The following ADGRB3 variants were observed in gnomAD, a reference collection of about 807,000 sequenced individuals.
ADGRB3 encodes brain-specific angiogenesis inhibitor 3.
A neutral mutation model predicts 193.4 loss-of-function variants in ADGRB3; 37 were observed. The observed-to-expected ratio is 0.19, with a 90% CI of 0.15 to 0.25. The LOEUF is 0.25. Among genes scored for constraint, ADGRB3 ranks in the 10% least tolerant of loss-of-function variants. The pLI, the probability that ADGRB3 is intolerant of heterozygous loss-of-function variation, is 1.00. For missense variants in ADGRB3, 1,637 were observed against 1,852.9 expected (o/e 0.88, Z 2.14); for synonymous variants, 690 against 644.2 (o/e 1.07, Z -1.08).
At chr6:68,965,119 A>G (rs1255416735) in intron 8 of ADGRB3, among the ~76,000 whole-genome samples, 2 of 152,226 alleles carry the variant, frequency 1.3e-5, no homozygotes, top group African/African-American at 4.8e-5. Flanking sequence ...AGTAAGAACA[A>G]TAACTCATAA....
At position 69,232,342 on chromosome 6, in the gene ADGRB3, C is replaced by G. The variant is rs959910926; in HGVS notation, c.2481-948C>G. ...GGTGGAAGGGTTCTCCCCCATCCCC[C>G]CCACCACGAACAAGACGTAGGTTGA... On this transcript the variant is annotated intron_variant, in intron 17 of 31. Transcript: ENST00000370598. 7 of 1,278,904 alleles carry G rather than the reference C, an allele frequency of 5.5e-6. No homozygotes were observed. The African/African-American group carries it at 9.1e-5, about 17-fold the overall frequency. The allele number at this position is 1,278,904 out of a possible 1,614,324, so 79.2% of individuals were successfully genotyped here.
At chr6:69,040,323 TTC>T (rs1375659073) in intron 13 of ADGRB3, among the ~76,000 whole-genome samples, 3 of 42,282 alleles carry the variant, frequency 7.1e-5, no homozygotes, top group African/African-American at 1.4e-4. Context: ...CTTTCTTTCT[TTC>T]TTTCTTTCTT....
At chr6:68,786,311 A>G (rs143750947) in intron 3 of ADGRB3, among the ~76,000 whole-genome samples, 113,625 of 151,736 alleles carry the variant, frequency 0.75, 42,801 homozygotes, top group Middle Eastern at 0.9. Flanking sequence ...TCTTTAATCC[A>G]TCTTGAATTA....
At position 69,214,794 on chromosome 6, in the gene ADGRB3, A is replaced by G. The variant is rs538226614; in HGVS notation, c.2481-18496A>G. Among the ~76,000 whole-genome samples, 101 of 151,930 alleles carry G rather than the reference A, an allele frequency of 6.6e-4. 1 individual carries two copies. Among genetic ancestry groups the G allele is most frequent in the South Asian group, 1.5e-3 (7 of 4,768 alleles). ...AAGTAATGGCAAAAACCACAATTAC[A>G]TTTGCACCAACCTAATTTTAAAAAG... On this transcript the variant is annotated intron_variant, in intron 17 of 31. Coordinates refer to ENST00000370598, the MANE Select transcript of ADGRB3 (RefSeq NM_001704.3).
intron 3 of ADGRB3, among the ~76,000 whole-genome samples, chr6:68,640,324 G>A (rs1768056299): frequency 6.6e-6 from 1 of 152,190 alleles, no homozygotes; most frequent in African/African-American, 2.4e-5. Flanking sequence ...GAAAGTACAG[G>A]AATGATTTAT....
intron 17 of ADGRB3, among the ~76,000 whole-genome samples, chr6:69,160,864 C>G (rs1163496493): frequency 6.6e-6 from 1 of 151,876 alleles, no homozygotes; most frequent in Non-Finnish European, 1.5e-5. Context: ...TGAAAGAGAC[C>G]AAGATACATG....
intron 26 of ADGRB3, among the ~76,000 whole-genome samples, chr6:69,340,069 AC>A (rs1444583362): frequency 6.6e-6 from 1 of 152,208 alleles, no homozygotes; most frequent in Non-Finnish European, 1.5e-5. Context: ...TTAGAAAAAT[AC>A]TAAAAATGTA....
chr6:68,883,899 T>C (rs1017822971), intron 3 of ADGRB3, among the ~76,000 whole-genome samples: 3 of 152,150 alleles, frequency 2.0e-5, no homozygotes, highest in African/African-American at 7.2e-5. Context: ...TCAATTTAAT[T>C]AAAATTGGAA....
At chr6:68,853,840 AT>A (rs1768455108) in intron 3 of ADGRB3, among the ~76,000 whole-genome samples, 2 of 152,310 alleles carry the variant, frequency 1.3e-5, no homozygotes, top group African/African-American at 4.8e-5. Context: ...TTAAACATGA[AT>A]AAGGGTAACA....
chr6:68,939,427 C>A (rs72906706), intron 5 of ADGRB3, among the ~76,000 whole-genome samples: 18,750 of 152,104 alleles, frequency 0.12, 1,415 homozygotes, highest in East Asian at 0.28. Context: ...CCTTTATATG[C>A]ATGAAGTCTT....
intron 5 of ADGRB3, among the ~76,000 whole-genome samples, chr6:68,940,806 C>T (rs1767622045): frequency 6.6e-6 from 1 of 152,028 alleles, no homozygotes; most frequent in African/African-American, 2.4e-5. Context: ...GCACGAGAAT[C>T]ACTTGAACCT....
chr6:69,018,122 T>C (rs1295549809), intron 12 of ADGRB3, among the ~76,000 whole-genome samples: 2 of 151,946 alleles, frequency 1.3e-5, no homozygotes, highest in African/African-American at 4.8e-5. Flanking sequence ...CGTCTATTTT[T>C]TGAGGAGACA....
chr6:69,108,939 A>C (rs547887283), intron 17 of ADGRB3, among the ~76,000 whole-genome samples: 2 of 152,332 alleles, frequency 1.3e-5, no homozygotes, highest in East Asian at 3.9e-4. Context: ...AATATTCACC[A>C]TCATGCAAGA....
At chr6:69,200,026 A>G (rs1765387666) in intron 17 of ADGRB3, among the ~76,000 whole-genome samples, 1 of 152,148 alleles carries the variant, frequency 6.6e-6, no homozygotes, top group African/African-American at 2.4e-5. Flanking sequence ...TTTCTGAAGT[A>G]GAAGTAAAAT....
chr6:69,232,866 A>G (rs1476816624), intron 17 of ADGRB3, among the ~76,000 whole-genome samples: 3 of 152,248 alleles, frequency 2.0e-5, no homozygotes, highest in East Asian at 3.8e-4. Context: ...TTTATGGTCC[A>G]AAATATGGGA....
intron 6 of ADGRB3, among the ~76,000 whole-genome samples, chr6:68,951,352 T>C (rs918225115): frequency 2.0e-5 from 3 of 152,070 alleles, no homozygotes; most frequent in Admixed American, 6.6e-5. Context: ...AATATCGTCG[T>C]CTCCTGAGAC....
Position 69,201,384 on chromosome 6 carries a change from C to A in ADGRB3, c.2481-31906C>A, listed in dbSNP as rs370557020. 3.9e-4 allele frequency among the ~76,000 whole-genome samples: 60 copies of A among 152,060 alleles called. 1 individual carries two copies. In the East Asian group the frequency reaches 8.9e-3, roughly 23 times the overall value. On this transcript the variant is annotated intron_variant, in intron 17 of 31. Coordinates refer to ENST00000370598, the MANE Select transcript of ADGRB3 (RefSeq NM_001704.3). ...CTGAACTTCTTTCTGTTACATATGG[C>A]CCTTTTGACTACCTATCTTTCTTAA... is the stretch of plus-strand genomic sequence containing the variant.
rs186404361 is a variant in ADGRB3 at position 69,388,041 on chromosome 6, T to C, written c.4381-662T>C. On this transcript the variant is annotated intron_variant, in intron 31 of 31. Transcript: ENST00000370598. ...TTCAAGAGGGAAATATCTTTCAAAC[T>C]TTATAGAATTTATTGGTATACAATT... 4.2e-4 allele frequency among the ~76,000 whole-genome samples: 64 copies of C among 152,224 alleles called. 1 individual carries two copies. Among genetic ancestry groups the C allele is most frequent in the African/African-American group, 1.3e-3 (55 of 41,548 alleles).
chr6:68,858,610 A>AT, intron 3 of ADGRB3, among the ~76,000 whole-genome samples: 1 of 149,670 alleles, frequency 6.7e-6, no homozygotes, highest in Admixed American at 6.7e-5. Flanking sequence ...AAAAAAAAAA[A>AT]ACACAGCATA....
Sources: allele counts gnomAD v4.1 joint callset (sites outside exome capture counted in the v4.1 genomes callset), GRCh38; gene constraint gnomAD v4.1.1; transcripts MANE v1.5; gene names NCBI Gene and HGNC (gene_info 2026-07-23, HGNC 2026-07-21).